Variants in ZNF730 observed in about 807,000 individuals in gnomAD.
ZNF730 encodes the protein zinc finger protein 730.
A neutral mutation model predicts 12.6 loss-of-function variants in ZNF730; 12 were observed. The observed-to-expected ratio is 0.95, with a 90% CI of 0.61 to 1.54. The LOEUF is 1.54. Among genes scored for constraint, ZNF730 ranks in the 40% most tolerant of loss-of-function variants. The pLI, the probability that ZNF730 is intolerant of heterozygous loss-of-function variation, is 0.00. For synonymous variants in ZNF730, 194 were observed against 195.8 expected (o/e 0.99, Z 0.08); for missense variants, 643 against 583.5 (o/e 1.10, Z -1.05).
intron 1 of ZNF730, among the ~76,000 whole-genome samples, chr19:23,088,094 C>A (rs1236646640): frequency 6.6e-6 from 1 of 151,920 alleles, no homozygotes; most frequent in Non-Finnish European, 1.5e-5. Flanking sequence ...TCTTGGCTCA[C>A]TGGAACCTCC....
At chr19:23,106,869 T>C (rs982343748) in intron 1 of ZNF730, among the ~76,000 whole-genome samples, 2 of 152,088 alleles carry the variant, frequency 1.3e-5, no homozygotes, top group Admixed American at 6.6e-5. Context: ...GATTGAATAC[T>C]GCAAGAGTCA....
chr19:23,124,880 G>A (rs1036003776), intron 1 of ZNF730, among the ~76,000 whole-genome samples: 2 of 152,188 alleles, frequency 1.3e-5, no homozygotes, highest in African/African-American at 2.4e-5. Flanking sequence ...GTCTAGACTA[G>A]TGATATGGCT....
chr19:23,127,462 T>G (rs964948406), intron 1 of ZNF730: 6 of 1,105,070 alleles, frequency 5.4e-6, no homozygotes, highest in Non-Finnish European at 6.9e-6. Context: ...CTTCTCCTTC[T>G]CCAAGCTTCT....
At chr19:23,082,691 C>A (rs988359281) in intron 1 of ZNF730, among the ~76,000 whole-genome samples, 1 of 151,346 alleles carries the variant, frequency 6.6e-6, no homozygotes, top group African/African-American at 2.4e-5. Context: ...TGTATGTATA[C>A]CACATTTTCT....
chr19:23,116,705 G>A (rs1389760907), upstream of ZNF730, among the ~76,000 whole-genome samples: 1 of 151,852 alleles, frequency 6.6e-6, no homozygotes, highest in Non-Finnish European at 1.5e-5. Flanking sequence ...ACAGGCGTGA[G>A]CCACCGCGCC....
intron 1 of ZNF730, among the ~76,000 whole-genome samples, chr19:23,101,842 A>G (rs1970339244): frequency 6.6e-6 from 1 of 152,198 alleles, no homozygotes. Flanking sequence ...TCCTGGGATT[A>G]CAGGTATGAG....
intron 3 of ZNF730, among the ~76,000 whole-genome samples, chr19:23,137,823 C>T (rs886714273): frequency 6.6e-6 from 1 of 152,172 alleles, no homozygotes; most frequent in African/African-American, 2.4e-5. Flanking sequence ...CACTGGGGTC[C>T]AACTTTAGTT....
chr19:23,103,192 T>C (rs1970355511), intron 1 of ZNF730, among the ~76,000 whole-genome samples: 2 of 152,334 alleles, frequency 1.3e-5, no homozygotes, highest in Admixed American at 1.3e-4. Context: ...AGAATTTTTC[T>C]ATCTGAACCT....
intron 1 of ZNF730, among the ~76,000 whole-genome samples, chr19:23,089,177 G>A (rs1970116125): frequency 6.6e-6 from 1 of 151,804 alleles, no homozygotes; most frequent in Non-Finnish European, 1.5e-5. Flanking sequence ...GGCTGATTAT[G>A]TGGTTTTTGT....
chr19:23,111,541 G>A (rs1156421989), intron 1 of ZNF730, among the ~76,000 whole-genome samples: 1 of 152,108 alleles, frequency 6.6e-6, no homozygotes, highest in African/African-American at 2.4e-5. Flanking sequence ...GAGGTCAGGA[G>A]TTCAAGACCA....
chr19:23,140,332 G>C (rs966622173), intron 3 of ZNF730, among the ~76,000 whole-genome samples: 1 of 151,954 alleles, frequency 6.6e-6, no homozygotes, highest in Non-Finnish European at 1.5e-5. Flanking sequence ...AAAATAGATT[G>C]GTTGTGGTGG....
At chr19:23,111,621 T>C (rs1404020480) in intron 1 of ZNF730, among the ~76,000 whole-genome samples, 1 of 152,098 alleles carries the variant, frequency 6.6e-6, no homozygotes, top group South Asian at 2.1e-4. Context: ...TGGTGGTGCA[T>C]GCCTGTAGTC....
chr19:23,135,881 C>G, intron 2 of ZNF730, 67 bp from the exon 3 acceptor site: 1 of 1,385,996 alleles, frequency 7.2e-7, no homozygotes. Flanking sequence ...ATTCTCTTTA[C>G]TGAGAGCATT....
chr19:23,128,249 T>C (rs1970695461), intron 1 of ZNF730: 15 of 717,650 alleles, frequency 2.1e-5, no homozygotes, highest in South Asian at 1.9e-4. Context: ...AATGCAGCAG[T>C]ACACCAGAAG....
chr19:23,134,675 TG>T, intron 2 of ZNF730, among the ~76,000 whole-genome samples: 1 of 132,796 alleles, frequency 7.5e-6, no homozygotes, highest in Admixed American at 7.3e-5. Flanking sequence ...CCGCCCCTAC[TG>T]GGAAGTGAGG....
intron 1 of ZNF730, among the ~76,000 whole-genome samples, chr19:23,085,826 A>ATTTTTTTTTTTTTTTTT (rs1383951518): frequency 1.4e-5 from 1 of 72,546 alleles, no homozygotes; most frequent in African/African-American, 6.0e-5. Flanking sequence ...ATTTCACCCA[A>ATTTTTTTTTTTTTTTTT]TTTTTTTTTC....
At chr19:23,116,976 A>G (rs951942091), upstream of ZNF730, 10 of 774,800 alleles carry the variant, frequency 1.3e-5, no homozygotes, top group South Asian at 2.1e-4. Flanking sequence ...GGGCCGTCCA[A>G]TCAGGCCCGC....
chr19:23,091,149 T>C (rs1018887061), intron 1 of ZNF730, among the ~76,000 whole-genome samples: 2 of 152,176 alleles, frequency 1.3e-5, no homozygotes, highest in Non-Finnish European at 2.9e-5. Context: ...GGCTGTGGCT[T>C]CAGAGGGTGG....
At chr19:23,083,602 T>A (rs944309238) in intron 1 of ZNF730, among the ~76,000 whole-genome samples, 6 of 152,094 alleles carry the variant, frequency 3.9e-5, no homozygotes, top group Non-Finnish European at 7.4e-5. Context: ...CTTGTTTTTT[T>A]TTTTTTAAGT....
Sources: gnomAD v4.1 joint callset for allele counts (sites outside exome capture counted in the v4.1 genomes callset) on GRCh38, gnomAD v4.1.1 for gene constraint, MANE v1.5 for transcripts, NCBI Gene and HGNC (gene_info 2026-07-23, HGNC 2026-07-21) for gene names.